RALYL: variants seen among roughly 807,000 people sequenced by gnomAD.
The protein encoded by RALYL is RALY RNA binding protein like.
Under a neutral mutation model 35.1 loss-of-function variants are expected in RALYL, and 29 were observed. The observed-to-expected ratio is 0.83, with a 90% CI of 0.61 to 1.13. The LOEUF is 1.13. Ranked by LOEUF, RALYL falls within the 50% of genes most tolerant of loss-of-function variation. The probability of loss-of-function intolerance (pLI) is 0.00; values close to 1 mark genes in which losing one functional copy is unlikely to be tolerated. For missense variants in RALYL, 359 were observed against 360.4 expected (o/e 1.00, Z 0.03); for synonymous variants, 120 against 127.6 (o/e 0.94, Z 0.40).
At chr8:84,829,779 G>A (rs147169023) in intron 4 of RALYL, among the ~76,000 whole-genome samples, 84 of 152,110 alleles carry the variant, frequency 5.5e-4, no homozygotes, top group African/African-American at 2.0e-3. Flanking sequence ...GAAATAGAGG[G>A]CTAGATCCCT....
intron 2 of RALYL, among the ~76,000 whole-genome samples, chr8:84,641,085 A>G (rs999810599): frequency 6.6e-6 from 1 of 151,570 alleles, no homozygotes; most frequent in Non-Finnish European, 1.5e-5. Context: ...ACAAGAATTT[A>G]TCATTCATAT....
rs879414763 is a variant in RALYL, at chr8:84,368,560, C to T, written c.-23-160739C>T. ...GAGGTTTAATGGACTCACAGTTCCA[C>T]GTAGCTGGGGAGGCCTCACAATCAT... On this transcript the variant is annotated intron_variant, in intron 1 of 8. Transcript: ENST00000521268. 2.6e-5 allele frequency among the ~76,000 whole-genome samples: 4 copies of T among 152,276 alleles called. 1 individual carries two copies. The highest frequency in any genetic ancestry group is 2.9e-5 in the Non-Finnish European group (2 of 68,038).
intron 2 of RALYL, among the ~76,000 whole-genome samples, chr8:84,699,049 G>GATAA (rs1554784782): frequency 6.6e-6 from 1 of 151,788 alleles, no homozygotes; most frequent in African/African-American, 2.4e-5. Flanking sequence ...TAGATAGATA[G>GATAA]ATAGATAGGA....
intron 1 of RALYL, among the ~76,000 whole-genome samples, chr8:84,417,211 A>G (rs2044816296): frequency 3.3e-5 from 5 of 152,084 alleles, no homozygotes; most frequent in Admixed American, 3.3e-4. Flanking sequence ...GAAGAAAAAC[A>G]TAGTATTTTT....
At chr8:84,728,394 G>T (rs549768054) in intron 2 of RALYL, among the ~76,000 whole-genome samples, 1 of 151,852 alleles carries the variant, frequency 6.6e-6, no homozygotes, top group African/African-American at 2.4e-5. Context: ...AGATGAGAAG[G>T]TTGCGAAAAT....
intron 2 of RALYL, among the ~76,000 whole-genome samples, chr8:84,625,795 T>A (rs1293545321): frequency 6.6e-6 from 1 of 152,158 alleles, no homozygotes; most frequent in East Asian, 1.9e-4. Context: ...TGGTGAATGA[T>A]AAGGAATGTC....
chr8:84,253,459 C>G (rs1204112144), intron 1 of RALYL, among the ~76,000 whole-genome samples: 1 of 151,436 alleles, frequency 6.6e-6, no homozygotes, highest in African/African-American at 2.4e-5. Flanking sequence ...CTCAGCCTCT[C>G]AAAGTGCTAG....
intron 3 of RALYL, among the ~76,000 whole-genome samples, chr8:84,799,114 C>T (rs1822599418): frequency 6.6e-6 from 1 of 152,142 alleles, no homozygotes; most frequent in Admixed American, 6.5e-5. Context: ...CTAACACAAT[C>T]ATTACTGAGA....
At chr8:84,346,704 G>A (rs1369074165) in intron 1 of RALYL, among the ~76,000 whole-genome samples, 1 of 151,938 alleles carries the variant, frequency 6.6e-6, no homozygotes, top group Non-Finnish European at 1.5e-5. Flanking sequence ...CCTAATTTCA[G>A]GTGATCTGCC....
chr8:84,414,208 T>C (rs2044385738), intron 1 of RALYL, among the ~76,000 whole-genome samples: 1 of 152,192 alleles, frequency 6.6e-6, no homozygotes, highest in Admixed American at 6.5e-5. Context: ...TCATATCTGT[T>C]AATATAAATT....
intron 3 of RALYL, among the ~76,000 whole-genome samples, chr8:84,780,354 C>T (rs1817848342): frequency 6.6e-6 from 1 of 152,142 alleles, no homozygotes; most frequent in Non-Finnish European, 1.5e-5. Context: ...TGCTCAGGAT[C>T]CTATCTTTCC....
intron 2 of RALYL, among the ~76,000 whole-genome samples, chr8:84,756,410 C>A (rs1423448291): frequency 6.6e-6 from 1 of 152,236 alleles, no homozygotes; most frequent in East Asian, 1.9e-4. Context: ...TAGCAGCCCC[C>A]ACTCCGTGGC....
chr8:84,607,096 A>T (rs540554403), intron 2 of RALYL, among the ~76,000 whole-genome samples: 1 of 152,006 alleles, frequency 6.6e-6, no homozygotes, highest in Non-Finnish European at 1.5e-5. Flanking sequence ...TGTTATTTTT[A>T]ACTCAATAAA....
chr8:84,184,804 G>T (rs1377195515), intron 1 of RALYL: 23 of 622,300 alleles, frequency 3.7e-5, no homozygotes, highest in Non-Finnish European at 6.0e-5. Context: ...GGCGAGGGCC[G>T]TGTACGTGGC....
At chr8:84,261,129 CT>C (rs1490588149) in intron 1 of RALYL, among the ~76,000 whole-genome samples, 1 of 148,326 alleles carries the variant, frequency 6.7e-6, no homozygotes, top group African/African-American at 2.5e-5. Flanking sequence ...ATAATTTACT[CT>C]TTGATTAATT....
intron 1 of RALYL, among the ~76,000 whole-genome samples, chr8:84,454,192 G>A (rs12334423): frequency 0.023 from 3,562 of 152,112 alleles, 145 homozygotes; most frequent in African/African-American, 0.081. Context: ...AGGGCAGAGA[G>A]CATGGATGGA....
chr8:84,394,371 T>C lies in RALYL; in HGVS notation c.-23-134928T>C, dbSNP rs1290547855. ...ATCTTTTTCTTGAAAATGATAGTAG[T>C]TTACAAATGATCTAAGGAGCAGCAA... On this transcript the variant is annotated intron_variant, in intron 1 of 8. Transcript: ENST00000521268. 2.0e-5 allele frequency among the ~76,000 whole-genome samples: 3 copies of C among 152,072 alleles called. No individual in the cohort carries two copies. The East Asian group carries it at 5.8e-4, about 29-fold the overall frequency.
chr8:84,707,954 G>A (rs563577878), intron 2 of RALYL, among the ~76,000 whole-genome samples: 2 of 151,864 alleles, frequency 1.3e-5, no homozygotes, highest in African/African-American at 4.8e-5. Context: ...CATATAAAAG[G>A]CATAAACTTA....
rs2052597940 is a variant in RALYL at position 84,470,581 on chromosome 8, A to G, written c.-23-58718A>G. Among the ~76,000 whole-genome samples the G allele has an allele frequency of 2.6e-5, 4 of 152,096 alleles. No homozygotes were observed. The South Asian group carries it at 8.3e-4, about 32-fold the overall frequency. ...GTAGCAACATGAAATCTTGCTGGCA[A>G]TTTGATGTTTTACTGACATTGTGTC... On this transcript the variant is annotated intron_variant, in intron 1 of 8. Coordinates refer to ENST00000521268, the MANE Select transcript of RALYL (RefSeq NM_173848.7).
Sources: gnomAD v4.1 joint callset for allele counts (sites outside exome capture counted in the v4.1 genomes callset) on GRCh38, gnomAD v4.1.1 for gene constraint, MANE v1.5 for transcripts, NCBI Gene and HGNC (gene_info 2026-07-23, HGNC 2026-07-21) for gene names.